F8: variants seen among roughly 807,000 people sequenced by gnomAD.
F8 encodes the protein coagulation factor VIII, also known as antihemophilic factor.
A neutral mutation model predicts 140.6 loss-of-function variants in F8; 12 were observed. That is an observed-to-expected ratio of 0.09 (90% confidence interval 0.05 to 0.14). F8 has a LOEUF of 0.14. F8 is among the 10% of genes least tolerant of loss of function. The pLI is 1.00. For synonymous variants in F8, 585 were observed against 614.6 expected, an observed-to-expected ratio of 0.95 and a Z score of 0.71; for missense variants, 1,354 against 1,720.7, an observed-to-expected ratio of 0.79 and a Z score of 3.77.
chrX:154,982,189 AT>A (rs1404279802), intron 6 of F8, among the ~76,000 whole-genome samples: 1 of 99,992 alleles, frequency 1.0e-5, no homozygotes, highest in Non-Finnish European at 2.0e-5. Context: ...GTCTCAAAAA[AT>A]ATATATATAT....
At chrX:154,846,099 G>A (rs1329625691) in intron 25 of F8, among the ~76,000 whole-genome samples, 1 of 112,170 alleles carries the variant, frequency 8.9e-6, no homozygotes, top group Non-Finnish European at 1.9e-5. Context: ...GTAGTTGAGC[G>A]GTTTTGAATG....
At chrX:154,912,834 A>T (rs2073075307) in intron 14 of F8, among the ~76,000 whole-genome samples, 1 of 111,719 alleles carries the variant, frequency 9.0e-6, no homozygotes, top group South Asian at 3.7e-4. Flanking sequence ...AGGGGAAGCA[A>T]GGCACCTTTT....
Position 154,956,936 on chromosome X carries a change from CT to C in F8, c.1752+20del. On this transcript the variant is annotated intron_variant, in intron 11 of 25. Transcript: ENST00000360256. Reference sequence around the variant, plus strand: ...CATACACTGAGAATGAAACCCAGCACTTGGAAAGGCAAGAACTCACCTGGTT... The same window carrying C: ...CATACACTGAGAATGAAACCCAGCACTGGAAAGGCAAGAACTCACCTGGTT... The C allele has an allele frequency of 8.4e-7, 1 of 1,183,794 alleles. No individual in the cohort carries two copies. Among genetic ancestry groups the C allele is most frequent in the Non-Finnish European group, 1.1e-6 (1 of 869,994 alleles).
chrX:154,863,840 C>T (rs1322804411), intron 22 of F8, among the ~76,000 whole-genome samples: 3 of 111,141 alleles, frequency 2.7e-5, no homozygotes, highest in Non-Finnish European at 5.7e-5. Context: ...ACCCTGGGGA[C>T]TTAGCTCCAG....
intron 14 of F8, among the ~76,000 whole-genome samples, chrX:154,916,283 G>A (rs1199283628): frequency 8.9e-6 from 1 of 111,912 alleles, no homozygotes; most frequent in Non-Finnish European, 1.9e-5. Flanking sequence ...CTGTTGTTGT[G>A]TCTTTGTCTG....
At position 154,860,394 on chromosome X, in the gene F8, T is replaced by TTTTC. The variant is rs781848666; in HGVS notation, c.6900+34_6900+37dup. The TTTTC allele has an allele frequency of 9.9e-5, 117 of 1,179,438 alleles. No homozygotes were observed. The African/African-American group carries it at 1.2e-3, about 12-fold the overall frequency. ...TAAGCTCTAGGAGAGGTGGTATTTT[T>TTTTC]TTTCTTTCTTTCTTTCTTTCCAAGG... On this transcript the variant is annotated intron_variant, in intron 25 of 25. Transcript: ENST00000360256.
chrX:154,996,839 C>T, intron 3 of F8, 134 bp downstream of exon 3: 1 of 723,855 alleles, frequency 1.4e-6, no homozygotes, highest in African/African-American at 2.1e-5. Flanking sequence ...TATTTATAAT[C>T]TAGTAAATGT....
chrX:154,916,768 T>G (rs1247899508), intron 14 of F8, among the ~76,000 whole-genome samples: 1 of 111,269 alleles, frequency 9.0e-6, no homozygotes, highest in Non-Finnish European at 1.9e-5. Context: ...TCTTTCATAT[T>G]GTTTTCTTTT....
Position 154,930,395 on chromosome X carries a change from T to C in F8, c.3395A>G (p.His1132Arg), listed in dbSNP as rs2073188037. ...CCCAGAGTTCAGAGAGTTCTTTCCA[T>C]GAGTCCTTTGTATCCACCTTGCTGA... Reference protein sequence around the residue: ...PESARWIQRTHGKNSLNSGQG... With the variant: ...PESARWIQRTRGKNSLNSGQG... Residue 1132 changes from histidine (H) to arginine (R), a missense_variant, in exon 14 of 26, where the codon CAT becomes CGT. Coordinates refer to ENST00000360256, the MANE Select transcript of F8 (RefSeq NM_000132.4). 1 of 1,211,166 alleles carries C rather than the reference T, an allele frequency of 8.3e-7. No individual in the cohort carries two copies. Among genetic ancestry groups the C allele is most frequent in the Non-Finnish European group, 1.1e-6 (1 of 894,937 alleles).
intron 13 of F8, among the ~76,000 whole-genome samples, chrX:154,941,312 T>C (rs1188208559): frequency 9.0e-6 from 1 of 111,258 alleles, no homozygotes; most frequent in Non-Finnish European, 1.9e-5. Flanking sequence ...AATAAAAGGA[T>C]GGAGGAAGAT....
At chrX:154,844,762 T>C (rs1557271575) in intron 25 of F8, among the ~76,000 whole-genome samples, 1 of 111,260 alleles carries the variant, frequency 9.0e-6, no homozygotes, top group Non-Finnish European at 1.9e-5. Flanking sequence ...CTTCCTCTTT[T>C]CCTAATTGAA....
intron 2 of F8, 112 bp downstream of exon 2, chrX:154,999,367 A>G: frequency 1.2e-6 from 1 of 858,389 alleles, no homozygotes. Context: ...CAGTTAGGGA[A>G]ACATTCTCTT....
Position 154,929,367 on chromosome X carries a change from G to C in F8, c.4423C>G (p.Gln1475Glu). The C allele has an allele frequency of 8.3e-7, 1 of 1,211,696 alleles. No homozygotes were observed. Among genetic ancestry groups the C allele is most frequent in the Non-Finnish European group, 1.1e-6 (1 of 895,400 alleles). ...AILTLEMTGD[Q>E]REVGSLGTSA... ...GTCCCCAGGGAGCCAACCTCTCTTT[G>C]ATCACCAGTCATCTCCAAGGTTAGA... The change falls in exon 14 of 26, where the codon CAA becomes GAA. Residue 1475 changes from glutamine (Q) to glutamate (E), a missense_variant. Gln to Glu is a conservative substitution (Grantham distance 29). Transcript: ENST00000360256.
chrX:154,839,865 T>C (rs879989215), intron 25 of F8, among the ~76,000 whole-genome samples: 2 of 112,374 alleles, frequency 1.8e-5, no homozygotes, highest in Non-Finnish European at 3.8e-5. Context: ...ATAATGTATA[T>C]AGCATGGCAA....
In F8 at chrX:154,902,153, C is replaced by T; in HGVS notation, c.6013G>A (p.Val2005Met). ...CCAGCTTTGGATGGTAACATTTCCA[C>T]TGTCTCAAAAACACCTTATAAAAAC... is the stretch of plus-strand genomic sequence containing the variant. ...YNLYPGVFET[V>M]EMLPSKAGIW... is the part of the protein sequence containing the mutation. Residue 2005 changes from valine (V) to methionine (M), a missense_variant, in exon 19 of 26, where the codon GTG (valine) becomes ATG (methionine). Val to Met is a conservative substitution (Grantham distance 21, BLOSUM62 1). Transcript: ENST00000360256. 8.3e-7 allele frequency: 1 copy of T among 1,201,828 alleles called. No homozygotes were observed. Among genetic ancestry groups the T allele is most frequent in the Non-Finnish European group, 1.1e-6 (1 of 886,323 alleles).
intron 1 of F8, among the ~76,000 whole-genome samples, chrX:155,020,417 G>T (rs1036009152): frequency 7.1e-5 from 8 of 112,168 alleles, no homozygotes; most frequent in African/African-American, 9.7e-5. Context: ...TAAACATCTT[G>T]CAAGAAAATC....
In F8 at chrX:154,929,733, C is replaced by T. The variant is rs868918541; in HGVS notation, c.4057G>A (p.Asp1353Asn). The change falls in exon 14 of 26, where the codon GAT (aspartate) becomes AAT (asparagine). Residue 1353 changes from aspartate to asparagine, a missense_variant. By Grantham distance (23) the Asp-to-Asn change is conservative. This residue lies in a region of F8 where 658 missense variants were observed against 666.5 expected (regional missense o/e 0.99). Transcript: ENST00000360256. The stretch of plus-strand genomic sequence containing the variant: ...TTGGACCACTGGGTTGAGGTGTCAT[C>T]CACAATTATCCTTTTTTCAAGTTCT... ...ETELEKRIIVDDTSTQWSKNM... is the reference protein window; with the variant it reads ...ETELEKRIIVNDTSTQWSKNM... The T allele has an allele frequency of 6.6e-6, 8 of 1,208,902 alleles. No homozygotes were observed. The highest frequency in any genetic ancestry group is 6.7e-6 in the Non-Finnish European group (6 of 894,801).
intron 13 of F8, among the ~76,000 whole-genome samples, chrX:154,934,812 CA>C (rs1255090467): frequency 1.8e-5 from 2 of 111,053 alleles, no homozygotes; most frequent in African/African-American, 6.5e-5. Context: ...AGAACAAACT[CA>C]CCTCAATGAT....
At chrX:154,979,578 A>G (rs1396301478) in intron 6 of F8, among the ~76,000 whole-genome samples, 1 of 111,875 alleles carries the variant, frequency 8.9e-6, no homozygotes, top group African/African-American at 3.3e-5. Flanking sequence ...TTGCTTTCTC[A>G]GGGAGTAGCT....
Sources: allele counts gnomAD v4.1 joint callset (sites outside exome capture counted in the v4.1 genomes callset), GRCh38; gene constraint gnomAD v4.1.1; regional missense constraint gnomAD v4.1.1; transcripts MANE v1.5; gene names NCBI Gene and HGNC (gene_info 2026-07-23, HGNC 2026-07-21).